MYO3B: variants seen among roughly 807,000 people sequenced by gnomAD.
MYO3B encodes myosin IIIB.
MYO3B carries 156 observed loss-of-function variants against 174.6 expected under a neutral mutation model. That is an observed-to-expected ratio of 0.89 (90% CI 0.78 to 1.02). The LOEUF (loss-of-function observed/expected upper bound fraction) is 1.02. MYO3B is among the 50% of genes least tolerant of loss of function. The pLI, the probability that MYO3B is intolerant of heterozygous loss-of-function variation, is 0.00. For synonymous variants in MYO3B, 563 were observed against 569.1 expected, an observed-to-expected ratio of 0.99 and a Z score of 0.15; for missense variants, 1,632 against 1,639.4, an observed-to-expected ratio of 1.00 and a Z score of 0.08.
chr2:170,307,895 T>C lies in MYO3B; in HGVS notation c.750-27490T>C, dbSNP rs574945534. ...TTGTCAGGGAATGGGTGAACTGTCATGGCTTTGGTGGGCATGTCAGCCAGT... is the reference window on the plus strand; with the variant it reads ...TTGTCAGGGAATGGGTGAACTGTCACGGCTTTGGTGGGCATGTCAGCCAGT... On this transcript the variant is annotated intron_variant, in intron 7 of 34. Coordinates refer to ENST00000408978, the MANE Select transcript of MYO3B (RefSeq NM_138995.5). Among the ~76,000 whole-genome samples, 22 of 152,332 alleles carry C rather than the reference T, an allele frequency of 1.4e-4. No homozygotes were observed. In the South Asian group the frequency reaches 4.6e-3, roughly 32 times the overall value.
In MYO3B at chr2:170,328,831, ATTTCT is replaced by A. The variant is rs1309238282; in HGVS notation, c.750-6553_750-6549del. 2.1e-3 allele frequency among the ~76,000 whole-genome samples: 317 copies of A among 152,202 alleles called. 1 individual carries two copies. Among genetic ancestry groups the A allele is most frequent in the African/African-American group, 7.5e-3 (312 of 41,542 alleles). ...GGACATTTTTGTGGTGTATAATCCCATTTCTATTGGGATTATACTCTCAACTATAT... is the reference window on the plus strand; with the variant it reads ...GGACATTTTTGTGGTGTATAATCCCAATTGGGATTATACTCTCAACTATAT... On this transcript the variant is annotated intron_variant, in intron 7 of 34. Transcript: ENST00000408978.
At chr2:170,405,510 C>T (rs772307579) in intron 20 of MYO3B, 35 bp from the exon 21 acceptor site, 2 of 1,600,028 alleles carry the variant, frequency 1.2e-6, no homozygotes, top group Non-Finnish European at 1.7e-6. Flanking sequence ...GGAAATAATT[C>T]ACATTGTAAC....
intron 27 of MYO3B, among the ~76,000 whole-genome samples, chr2:170,500,247 T>C (rs758006025): frequency 5.9e-5 from 9 of 152,076 alleles, no homozygotes; most frequent in Non-Finnish European, 8.8e-5. Flanking sequence ...ACCCTCTTCA[T>C]AGGGGAGAGG....
chr2:170,253,956 G>A (rs2093280022), intron 7 of MYO3B, among the ~76,000 whole-genome samples: 1 of 152,048 alleles, frequency 6.6e-6, no homozygotes, highest in African/African-American at 2.4e-5. Context: ...CTCCCACTGA[G>A]AGAAAACAAA....
rs111235239 is a variant in MYO3B at position 170,464,197 on chromosome 2, G to A, written c.2808+752G>A. Among the ~76,000 whole-genome samples the A allele has an allele frequency of 7.8e-3, 1,188 of 151,770 alleles. 10 individuals are homozygous for A. The highest frequency in any genetic ancestry group is 0.012 in the Non-Finnish European group (816 of 67,862). On this transcript the variant is annotated intron_variant, in intron 24 of 34. Transcript: ENST00000408978. ...GTGAAACCCCTTCTCTAGTAAAAATGCAAAAATTAGGTGTGGTGGCAGGTG... is the reference window on the plus strand; with the variant it reads ...GTGAAACCCCTTCTCTAGTAAAAATACAAAAATTAGGTGTGGTGGCAGGTG...
At chr2:170,244,556 A>G (rs1024601095) in intron 7 of MYO3B, among the ~76,000 whole-genome samples, 1 of 152,204 alleles carries the variant, frequency 6.6e-6, no homozygotes. Flanking sequence ...GAGAACAGAA[A>G]CAGTATTAGA....
chr2:170,631,032 A>G (rs1468087925), intron 32 of MYO3B, among the ~76,000 whole-genome samples: 1 of 152,258 alleles, frequency 6.6e-6, no homozygotes, highest in Non-Finnish European at 1.5e-5. Context: ...TGCCAGCAAC[A>G]GAACAAAGCT....
chr2:170,209,942 C>T (rs1310638895), intron 3 of MYO3B, among the ~76,000 whole-genome samples: 1 of 152,082 alleles, frequency 6.6e-6, no homozygotes, highest in Non-Finnish European at 1.5e-5. Context: ...TACTCCAGGG[C>T]CCTCTGTAGC....
chr2:170,198,126 T>G (rs1451898648), intron 1 of MYO3B, among the ~76,000 whole-genome samples: 3 of 151,792 alleles, frequency 2.0e-5, no homozygotes, highest in Non-Finnish European at 4.4e-5. Context: ...TTTTTTTTTT[T>G]TTTTCCCTTC....
At chr2:170,578,449 A>G (rs1692930338) in intron 32 of MYO3B, among the ~76,000 whole-genome samples, 2 of 152,252 alleles carry the variant, frequency 1.3e-5, no homozygotes, top group African/African-American at 4.8e-5. Context: ...TTTGTTTTAA[A>G]CAAACCATAT....
At chr2:170,280,365 C>T (rs985278505) in intron 7 of MYO3B, among the ~76,000 whole-genome samples, 4 of 151,744 alleles carry the variant, frequency 2.6e-5, no homozygotes, top group South Asian at 2.1e-4. Flanking sequence ...ACATATTGAC[C>T]TTGGTTAAAT....
At chr2:170,620,610 C>G (rs1371349166) in intron 32 of MYO3B, among the ~76,000 whole-genome samples, 2 of 152,340 alleles carry the variant, frequency 1.3e-5, no homozygotes, top group Admixed American at 6.5e-5. Flanking sequence ...AGACAGTAGG[C>G]AGCATGAGCT....
chr2:170,463,487 A>AC, intron 24 of MYO3B, 42 bp downstream of exon 24: 1 of 1,575,718 alleles, frequency 6.3e-7, no homozygotes, highest in Middle Eastern at 1.7e-4. Flanking sequence ...GCTTCCAAAA[A>AC]GGACTGTCTA....
intron 32 of MYO3B, among the ~76,000 whole-genome samples, chr2:170,583,369 A>G (rs1025339173): frequency 6.6e-6 from 1 of 152,096 alleles, no homozygotes; most frequent in Non-Finnish European, 1.5e-5. Flanking sequence ...AGAACATGGC[A>G]TCATTTCTAA....
intron 32 of MYO3B, chr2:170,644,447 C>G (rs1288203717): frequency 6.6e-6 from 1 of 152,270 alleles, no homozygotes; most frequent in East Asian, 1.9e-4. Context: ...CCACCACACA[C>G]AGCTAATTTT....
intron 22 of MYO3B, among the ~76,000 whole-genome samples, chr2:170,432,870 C>T (rs940513872): frequency 5.9e-5 from 9 of 151,998 alleles, no homozygotes; most frequent in East Asian, 5.8e-4. Flanking sequence ...CCACCATGCC[C>T]GGCCAAAAAA....
chr2:170,519,731 T>TG (rs1688546588), intron 30 of MYO3B, 191 bp downstream of exon 30: 1 of 492,062 alleles, frequency 2.0e-6, no homozygotes, highest in Non-Finnish European at 3.7e-6. Flanking sequence ...CAGCACTTTG[T>TG]GGGGGCCGAG....
intron 22 of MYO3B, among the ~76,000 whole-genome samples, chr2:170,436,865 G>C (rs1412330388): frequency 6.6e-6 from 1 of 152,176 alleles, no homozygotes; most frequent in African/African-American, 2.4e-5. Context: ...TGACTAGCCA[G>C]TGATCACACA....
intron 32 of MYO3B, among the ~76,000 whole-genome samples, chr2:170,570,738 C>T (rs1002907993): frequency 4.0e-5 from 6 of 151,850 alleles, no homozygotes; most frequent in African/African-American, 1.2e-4. Flanking sequence ...GTCATTTGCG[C>T]GTTATTCTGG....
Sources: gnomAD v4.1 joint callset for allele counts (sites outside exome capture counted in the v4.1 genomes callset) on GRCh38, gnomAD v4.1.1 for gene constraint, MANE v1.5 for transcripts, NCBI Gene and HGNC (gene_info 2026-07-23, HGNC 2026-07-21) for gene names.